CASP2: variants seen among roughly 807,000 people sequenced by gnomAD.
CASP2 encodes the protein caspase 2.
CASP2 carries 38 observed loss-of-function variants against 54.4 expected under a neutral mutation model. That is an observed-to-expected ratio of 0.70 (90% confidence interval 0.54 to 0.92). The LOEUF (loss-of-function observed/expected upper bound fraction) is 0.92. CASP2 is among the 40% of genes least tolerant of loss of function. CASP2 has a pLI of 0.00. For synonymous variants in CASP2, 215 were observed against 216.3 expected, an observed-to-expected ratio of 0.99 and a Z score of 0.05; for missense variants, 512 against 579.6, an observed-to-expected ratio of 0.88 and a Z score of 1.20.
At chr7:143,294,426 T>C (rs1801682136) in intron 5 of CASP2, 102 bp downstream of exon 5, 1 of 1,048,330 alleles carries the variant, frequency 9.5e-7, no homozygotes, top group Non-Finnish European at 1.5e-6. Context: ...TCTGCCTTAT[T>C]AGTCAGAAAG....
At chr7:143,303,715 G>A in intron 8 of CASP2, 69 bp from the exon 9 acceptor site, 1 of 1,474,360 alleles carries the variant, frequency 6.8e-7, no homozygotes, top group Non-Finnish European at 9.4e-7. Context: ...ACGTGGGCTT[G>A]CCTGTGACAG....
At chr7:143,303,607 C>G in intron 8 of CASP2, 177 bp from the exon 9 acceptor site, 1 of 566,526 alleles carries the variant, frequency 1.8e-6, no homozygotes, top group East Asian at 3.1e-5. Flanking sequence ...CAGATGCATG[C>G]TGAGAGAGTA....
rs1801866270 is a variant in CASP2, at chr7:143,299,973, C to T, written c.798C>T (p.Val266=). 2 of 1,614,022 alleles carry T rather than the reference C, an allele frequency of 1.2e-6. No individual in the cohort carries two copies. The highest frequency in any genetic ancestry group is 3.3e-5 in the Admixed American group (2 of 60,006). The change falls in exon 7 of 11, where the codon GTC becomes GTT. Residue 266 remains valine, a synonymous_variant. Coordinates refer to ENST00000310447, the MANE Select transcript of CASP2 (RefSeq NM_032982.4). ...TTGCACAGTTACCTGCACACCGAGT[C>T]ACGGACTCCTGCATCGTGGCACTCC... The part of the protein sequence containing the change: ...QNFAQLPAHR[V]TDSCIVALLS...
chr7:143,304,060 G>C, intron 9 of CASP2, 127 bp downstream of exon 9: 1 of 1,009,588 alleles, frequency 9.9e-7, no homozygotes, highest in South Asian at 1.4e-5. Flanking sequence ...TCAGATTTTG[G>C]ATTTTTTTGT....
intron 1 of CASP2, among the ~76,000 whole-genome samples, chr7:143,290,214 C>A (rs149979498): frequency 9.3e-4 from 141 of 152,070 alleles, no homozygotes; most frequent in Middle Eastern, 3.4e-3. Context: ...GCATGCAGCA[C>A]CACACTCGGC....
chr7:143,293,040 A>T (rs1801627380), intron 4 of CASP2: 1 of 601,070 alleles, frequency 1.7e-6, no homozygotes, highest in East Asian at 2.8e-5. Flanking sequence ...AATAAAAAGG[A>T]GGGGGGTGTC....
chr7:143,292,466 C>A lies in CASP2; in HGVS notation c.392C>A (p.Pro131Gln). ...TLSGLQHVLP[P>Q]LSCDYDLSLP... is the part of the protein sequence containing the mutation. Reference sequence around the variant, plus strand: ...TCTGGGCTTCAGCATGTACTCCCACCGGTATGAAGCTTTAGTAATATGGGG... The same window carrying A: ...TCTGGGCTTCAGCATGTACTCCCACAGGTATGAAGCTTTAGTAATATGGGG... Residue 131 changes from proline (P) to glutamine (Q), a missense_variant and splice_region_variant, in exon 3 of 11, where the codon CCG (proline) becomes CAG (glutamine). Around this residue, in one of 3 missense-constraint regions of CASP2, gnomAD observed 417 missense variants for 495.4 expected, o/e 0.84. Transcript: ENST00000310447. 6.2e-7 allele frequency: 1 copy of A among 1,614,058 alleles called. No individual in the cohort carries two copies. The highest frequency in any genetic ancestry group is 1.7e-5 in the Admixed American group (1 of 60,014).
chr7:143,289,695 T>TA (rs1801494980), intron 1 of CASP2: 1 of 728,650 alleles, frequency 1.4e-6, no homozygotes, highest in Non-Finnish European at 1.7e-6. Flanking sequence ...TGATCGTTAT[T>TA]ACTGCTTTGA....
rs1801599298 is a variant in CASP2 at position 143,292,293 on chromosome 7, G to A, written c.226-7G>A. 6.2e-7 allele frequency: 1 copy of A among 1,613,956 alleles called. No individual in the cohort carries two copies. The highest frequency in any genetic ancestry group is 8.5e-7 in the Non-Finnish European group (1 of 1,179,840). On this transcript the variant is annotated splice_polypyrimidine_tract_variant and splice_region_variant and intron_variant, in intron 2 of 10. Coordinates refer to ENST00000310447, the MANE Select transcript of CASP2 (RefSeq NM_032982.4). ...ATATGATTTCATGTTTTATTCTTGT[G>A]TCTTAGGCCAAAGTGGGCAGTTTCA...
At chr7:143,290,650 A>G (rs1801529405) in intron 1 of CASP2, 1 of 152,314 alleles carries the variant, frequency 6.6e-6, no homozygotes, top group African/African-American at 2.4e-5. Flanking sequence ...AGTCCCAACT[A>G]CTTGGGAGGC....
intron 8 of CASP2, chr7:143,302,090 CTG>C (rs1238293225): frequency 6.6e-6 from 1 of 152,140 alleles, no homozygotes; most frequent in Non-Finnish European, 1.5e-5. Flanking sequence ...GCCTGAAAAA[CTG>C]TAGGTATTAT....
rs1802080582 is a variant in CASP2 at position 143,306,863 on chromosome 7, C to T, written c.*1792C>T. 1 of 152,198 alleles carries T rather than the reference C, an allele frequency of 6.6e-6. No individual in the cohort carries two copies. The highest frequency in any genetic ancestry group is 1.5e-5 in the Non-Finnish European group (1 of 68,068). 9.4% of individuals were successfully genotyped at this position (152,198 alleles called of 1,614,324 possible). ...TAGAACCCTTCTGCTTTCTATTACC[C>T]CTCATTTAAAATGTAAACTCTTCAC... is the stretch of plus-strand genomic sequence containing the variant. On this transcript the variant is annotated 3_prime_UTR_variant, in exon 11 of 11. Transcript: ENST00000310447.
rs1466278556 is a variant in CASP2 at position 143,292,463 on chromosome 7, C to T, written c.389C>T (p.Pro130Leu). 3 of 1,614,012 alleles carry T rather than the reference C, an allele frequency of 1.9e-6. No homozygotes were observed. Among genetic ancestry groups the T allele is most frequent in the South Asian group, 1.1e-5 (1 of 91,084 alleles). ...CTTTCTGGGCTTCAGCATGTACTCC[C>T]ACCGGTATGAAGCTTTAGTAATATG... ...TTLSGLQHVL[P>L]PLSCDYDLSL... The change falls in exon 3 of 11, where the codon CCA becomes CTA. Residue 130 changes from proline (P) to leucine (L), a missense_variant. This residue lies in a region of CASP2 where 417 missense variants were observed against 495.4 expected (regional missense o/e 0.84). Transcript: ENST00000310447.
chr7:143,288,487 C>T lies in CASP2; in HGVS notation c.32C>T (p.Thr11Ile). Residue 11 changes from threonine (T) to isoleucine (I), a missense_variant, in exon 1 of 11, where the codon ACC (threonine) becomes ATC (isoleucine). By Grantham distance (89) the Thr-to-Ile change is moderately conservative. Coordinates refer to ENST00000310447, the MANE Select transcript of CASP2 (RefSeq NM_032982.4). ...GCGCCGAGCGCGGGGTCTTGGTCCA[C>T]CTTCCAGCACAAGGAGCTGATGGCC... MAAPSAGSWS[T>I]FQHKELMAAD... The T allele has an allele frequency of 1.2e-6, 2 of 1,613,366 alleles. No individual in the cohort carries two copies. Among genetic ancestry groups the T allele is most frequent in the Non-Finnish European group, 1.7e-6 (2 of 1,179,664 alleles).
intron 8 of CASP2, chr7:143,303,133 T>C (rs935271223): frequency 7.2e-5 from 11 of 152,010 alleles, no homozygotes; most frequent in East Asian, 1.9e-4. Flanking sequence ...TAAAAAGTTA[T>C]TTTAAAAAAT....
rs561597102 is a variant in CASP2, at chr7:143,303,878, G to A, written c.1062G>A (p.Pro354=). The A allele has an allele frequency of 9.3e-6, 15 of 1,613,078 alleles. No individual in the cohort carries two copies. The highest frequency in any genetic ancestry group is 5.0e-5 in the Admixed American group (3 of 59,856). The change falls in exon 9 of 11, where the codon CCG becomes CCA. Residue 354 remains proline, a synonymous_variant. Coordinates refer to ENST00000310447, the MANE Select transcript of CASP2 (RefSeq NM_032982.4). Reference sequence around the variant, plus strand: ...GTGATGCCGGTAAAGAAAAGTTGCCGAAGATGAGACTGCCCACGCGCTCAG... The same window carrying A: ...GTGATGCCGGTAAAGAAAAGTTGCCAAAGATGAGACTGCCCACGCGCTCAG... ...EESDAGKEKL[P]KMRLPTRSDM...
chr7:143,297,039 A>C (rs1801776299), intron 6 of CASP2, among the ~76,000 whole-genome samples: 1 of 152,148 alleles, frequency 6.6e-6, no homozygotes, highest in Non-Finnish European at 1.5e-5. Context: ...TTTAGCTTGC[A>C]TTTGGGTCAC....
At chr7:143,293,063 C>G (rs1801628292) in intron 4 of CASP2, 1 of 615,790 alleles carries the variant, frequency 1.6e-6, no homozygotes, top group Admixed American at 2.9e-5. Context: ...AGATTGACTT[C>G]CCCTTTCTTG....
rs763547978 is a variant in CASP2, at chr7:143,304,745, C to T, written c.1189C>T (p.Arg397Trp). ...IEALAQVFSE[R>W]ACDMHVADML... ...GGCTCTTGCTCAAGTGTTTTCTGAG[C>T]GGGCTTGTGATATGCACGTGGCCGA... The change falls in exon 10 of 11, where the codon CGG becomes TGG. Residue 397 changes from arginine (R) to tryptophan (W), a missense_variant. This residue lies in a region of CASP2 where 417 missense variants were observed against 495.4 expected (regional missense o/e 0.84). Transcript: ENST00000310447. The T allele has an allele frequency of 3.1e-6, 5 of 1,614,032 alleles. No homozygotes were observed. The highest frequency in any genetic ancestry group is 4.2e-6 in the Non-Finnish European group (5 of 1,180,022).
Sources: gnomAD v4.1 joint callset for allele counts (sites outside exome capture counted in the v4.1 genomes callset) on GRCh38, gnomAD v4.1.1 for gene constraint, gnomAD v4.1.1 regional missense constraint, MANE v1.5 for transcripts, NCBI Gene and HGNC (gene_info 2026-07-23, HGNC 2026-07-21) for gene names.